The following OPCML variants were observed in gnomAD, a reference collection of about 807,000 sequenced individuals.
OPCML encodes the protein opioid-binding protein/cell adhesion molecule.
OPCML carries 13 observed loss-of-function variants against 37.8 expected under a neutral mutation model. The observed-to-expected ratio is 0.34, with a 90% CI of 0.22 to 0.55. The LOEUF (loss-of-function observed/expected upper bound fraction) is 0.55, where lower values mean the gene tolerates loss of function less well. Ranked by LOEUF, OPCML falls within the 20% of genes least tolerant of loss-of-function variation. The pLI is 0.91. For synonymous variants in OPCML, 176 were observed against 168.8 expected (o/e 1.04, Z -0.33); for missense variants, 341 against 435.6 (o/e 0.78, Z 1.93).
At chr11:133,319,442 GT>G (rs1943279221) in intron 1 of OPCML, among the ~76,000 whole-genome samples, 1 of 152,120 alleles carries the variant, frequency 6.6e-6, no homozygotes, top group East Asian at 1.9e-4. Context: ...CAAATTCTTT[GT>G]TCAAATTCTT....
At chr11:132,564,976 A>C (rs897533896) in intron 3 of OPCML, among the ~76,000 whole-genome samples, 11 of 152,218 alleles carry the variant, frequency 7.2e-5, no homozygotes, top group Admixed American at 3.9e-4. Flanking sequence ...AGGGAACAAC[A>C]ATGGCAAATC....
chr11:133,283,585 A>T (rs950565724), intron 1 of OPCML, among the ~76,000 whole-genome samples: 30 of 152,268 alleles, frequency 2.0e-4, no homozygotes, highest in East Asian at 7.7e-4. Context: ...GTTTACACTG[A>T]CACAAAAATG....
chr11:133,017,748 A>C (rs895079763), intron 1 of OPCML, among the ~76,000 whole-genome samples: 7 of 152,152 alleles, frequency 4.6e-5, no homozygotes, highest in African/African-American at 1.7e-4. Context: ...TGCTCATTAT[A>C]CTCAAATTCC....
chr11:133,187,363 G>A lies in OPCML; in HGVS notation c.62-244353C>T, dbSNP rs75798316. ...CAGCTCCAGCTCTGGCAGGAATTGC[G>A]TAAAGAACTACTGGTTGGGATGATC... On this transcript the variant is annotated intron_variant, in intron 1 of 7. Transcript: ENST00000524381. Among the ~76,000 whole-genome samples the A allele has an allele frequency of 4.0e-3, 615 of 152,056 alleles. 4 individuals are homozygous for A. Among genetic ancestry groups the A allele is most frequent in the African/African-American group, 0.014 (588 of 41,444 alleles).
intron 2 of OPCML, among the ~76,000 whole-genome samples, chr11:132,941,029 T>A (rs1258109804): frequency 1.3e-5 from 2 of 151,324 alleles, no homozygotes; most frequent in African/African-American, 4.9e-5. Flanking sequence ...AAAAAAAAAA[T>A]TACGCCATGC....
intron 3 of OPCML, among the ~76,000 whole-genome samples, chr11:132,548,025 C>G (rs533447918): frequency 1.3e-5 from 2 of 152,288 alleles, no homozygotes; most frequent in South Asian, 4.1e-4. Context: ...AGACACTGTA[C>G]TATGGAGAGT....
At chr11:133,087,497 G>A (rs1396298810) in intron 1 of OPCML, among the ~76,000 whole-genome samples, 1 of 152,030 alleles carries the variant, frequency 6.6e-6, no homozygotes, top group Admixed American at 6.6e-5. Flanking sequence ...TGTCCATGTA[G>A]ACTCAATGAA....
At chr11:132,742,247 T>C (rs1478729888) in intron 2 of OPCML, among the ~76,000 whole-genome samples, 1 of 152,182 alleles carries the variant, frequency 6.6e-6, no homozygotes, top group Admixed American at 6.5e-5. Context: ...CATGTTTGTG[T>C]CTCTCCAAAA....
At chr11:133,224,181 C>T (rs977156365) in intron 1 of OPCML, among the ~76,000 whole-genome samples, 13 of 152,124 alleles carry the variant, frequency 8.5e-5, no homozygotes, top group Non-Finnish European at 7.4e-5. Context: ...CATTAGTCCC[C>T]GAGCCAAAAG....
intron 4 of OPCML, among the ~76,000 whole-genome samples, chr11:132,487,631 T>C (rs988448465): frequency 6.6e-6 from 1 of 152,174 alleles, no homozygotes; most frequent in African/African-American, 2.4e-5. Flanking sequence ...AATGACACTT[T>C]CCCGTTAGGA....
chr11:132,437,719 T>G (rs2096017999), intron 4 of OPCML, among the ~76,000 whole-genome samples: 1 of 152,196 alleles, frequency 6.6e-6, no homozygotes, highest in South Asian at 2.1e-4. Context: ...ACTGTCATGA[T>G]CAATAATATA....
chr11:132,914,611 G>A (rs564908515), intron 2 of OPCML, among the ~76,000 whole-genome samples: 13 of 152,286 alleles, frequency 8.5e-5, no homozygotes, highest in South Asian at 2.1e-4. Flanking sequence ...GCTGGAAGGC[G>A]GGCTCTTTAC....
intron 2 of OPCML, among the ~76,000 whole-genome samples, chr11:132,700,705 T>C (rs572503776): frequency 5.9e-5 from 9 of 152,280 alleles, no homozygotes; most frequent in Non-Finnish European, 1.2e-4. Flanking sequence ...GTTGAACATA[T>C]AATCTGTCGT....
chr11:133,047,479 C>G (rs1259287281), intron 1 of OPCML, among the ~76,000 whole-genome samples: 3 of 152,340 alleles, frequency 2.0e-5, no homozygotes, highest in Admixed American at 2.0e-4. Context: ...ATTTGGGATC[C>G]ATTCCTGAAT....
At chr11:133,186,404 A>G (rs1426173284) in intron 1 of OPCML, among the ~76,000 whole-genome samples, 2 of 151,394 alleles carry the variant, frequency 1.3e-5, no homozygotes, top group Non-Finnish European at 2.9e-5. Flanking sequence ...GGGAAAAGCG[A>G]TTCAAATTCA....
At chr11:133,047,332 C>G (rs185585037) in intron 1 of OPCML, among the ~76,000 whole-genome samples, 11 of 152,328 alleles carry the variant, frequency 7.2e-5, no homozygotes, top group Admixed American at 3.9e-4. Flanking sequence ...CGTGATGCAG[C>G]TATTCATACT....
At chr11:133,414,171 G>A (rs1359441674) in intron 1 of OPCML, among the ~76,000 whole-genome samples, 9 of 152,084 alleles carry the variant, frequency 5.9e-5, no homozygotes, top group Admixed American at 2.6e-4. Context: ...GAACGAGCAC[G>A]TCAGAATGTG....
In OPCML at chr11:133,212,955, G is replaced by A. The variant is rs1939427397; in HGVS notation, c.62-269945C>T. Among the ~76,000 whole-genome samples the A allele has an allele frequency of 6.6e-6, 1 of 152,134 alleles. No homozygotes were observed. Among genetic ancestry groups the A allele is most frequent in the Admixed American group, 6.5e-5 (1 of 15,272 alleles). On this transcript the variant is annotated intron_variant, in intron 1 of 7. Transcript: ENST00000524381. This position sits in a 1 kb window ranked among gnomAD's most constrained non-coding sequence, Gnocchi z 4.9. ...TACCTCAAAAGCTCCAAACAATTAT[G>A]TTGATGATACTGGGCTGGACACCTT... is the stretch of plus-strand genomic sequence containing the variant.
chr11:132,796,003 G>A (rs901025529), intron 2 of OPCML, among the ~76,000 whole-genome samples: 2 of 152,100 alleles, frequency 1.3e-5, no homozygotes, highest in Non-Finnish European at 2.9e-5. Context: ...CTTGTCATAG[G>A]TCCCTAAACA....
Sources: gnomAD v4.1 joint callset for allele counts (sites outside exome capture counted in the v4.1 genomes callset) on GRCh38, gnomAD v4.1.1 for gene constraint, Gnocchi (gnomAD v3.1) non-coding constraint, MANE v1.5 for transcripts, NCBI Gene and HGNC (gene_info 2026-07-23, HGNC 2026-07-21) for gene names.